Variants in L3MBTL4 observed in about 807,000 individuals in gnomAD.
The protein encoded by L3MBTL4 is L3MBTL histone methyl-lysine binding protein 4.
A neutral mutation model predicts 84.5 loss-of-function variants in L3MBTL4; 70 were observed. That is an observed-to-expected ratio of 0.83 (90% CI 0.68 to 1.01). The LOEUF is 1.01. Among genes scored for constraint, L3MBTL4 ranks in the 50% least tolerant of loss-of-function variants. The probability of loss-of-function intolerance (pLI) is 0.00; values close to 1 mark genes in which losing one functional copy is unlikely to be tolerated. For missense variants in L3MBTL4, 715 were observed against 754.8 expected, an observed-to-expected ratio of 0.95 and a Z score of 0.62; for synonymous variants, 274 against 259.8, an observed-to-expected ratio of 1.05 and a Z score of -0.52.
chr18:6,325,126 C>G (rs990165481), intron 1 of L3MBTL4, among the ~76,000 whole-genome samples: 1 of 152,022 alleles, frequency 6.6e-6, no homozygotes, highest in South Asian at 2.1e-4. Flanking sequence ...ATAATTCCAG[C>G]AAATTCCATG....
intron 18 of L3MBTL4, among the ~76,000 whole-genome samples, chr18:5,958,108 A>AGAAGAAGAAGAG: frequency 1.2e-5 from 1 of 82,702 alleles, no homozygotes; most frequent in Admixed American, 1.2e-4. Context: ...AAGAAGAAGA[A>AGAAGAAGAAGAG]GAAGAAGAAG....
At chr18:6,374,690 A>G (rs906702984) in intron 1 of L3MBTL4, among the ~76,000 whole-genome samples, 6 of 152,178 alleles carry the variant, frequency 3.9e-5, no homozygotes, top group African/African-American at 1.4e-4. Context: ...TTCCACAGTG[A>G]GTCCTGGTCC....
chr18:6,184,046 T>G (rs1051595837), intron 12 of L3MBTL4, among the ~76,000 whole-genome samples: 2 of 152,318 alleles, frequency 1.3e-5, no homozygotes, highest in African/African-American at 4.8e-5. Context: ...TTACATAATA[T>G]CTACATGGGT....
intron 15 of L3MBTL4, chr18:6,081,233 T>G (rs1413583341): frequency 1.1e-5 from 3 of 268,450 alleles, no homozygotes; most frequent in Non-Finnish European, 2.1e-5. Flanking sequence ...TCTCTTCAGA[T>G]TCTAAGGAGG....
intron 15 of L3MBTL4, among the ~76,000 whole-genome samples, chr18:6,092,848 C>A (rs1400124263): frequency 6.6e-6 from 1 of 152,038 alleles, no homozygotes; most frequent in East Asian, 1.9e-4. Flanking sequence ...CATTTAGGAA[C>A]AGAGGGAAGA....
intron 14 of L3MBTL4, among the ~76,000 whole-genome samples, chr18:6,129,303 A>C (rs1313456064): frequency 6.6e-6 from 1 of 151,334 alleles, no homozygotes; most frequent in Non-Finnish European, 1.5e-5. Flanking sequence ...TTATTGTTGT[A>C]GTATTATTAT....
At chr18:6,018,546 T>C (rs1365729710) in intron 16 of L3MBTL4, among the ~76,000 whole-genome samples, 1 of 152,182 alleles carries the variant, frequency 6.6e-6, no homozygotes, top group Non-Finnish European at 1.5e-5. Flanking sequence ...ATCAGCTACA[T>C]CCAGAAGTGA....
chr18:6,330,938 A>AG (rs1397429575), intron 1 of L3MBTL4, among the ~76,000 whole-genome samples: 2 of 152,226 alleles, frequency 1.3e-5, no homozygotes, highest in African/African-American at 2.4e-5. Flanking sequence ...ACAATACACT[A>AG]GGGGCTACAG....
At chr18:6,217,895 T>C (rs1393119559) in intron 10 of L3MBTL4, among the ~76,000 whole-genome samples, 1 of 152,214 alleles carries the variant, frequency 6.6e-6, no homozygotes, top group East Asian at 1.9e-4. Flanking sequence ...TATATTATTT[T>C]GTTCCAGACA....
chr18:6,103,266 G>A (rs981330907), intron 14 of L3MBTL4, among the ~76,000 whole-genome samples: 3 of 152,136 alleles, frequency 2.0e-5, no homozygotes, highest in Admixed American at 2.0e-4. Flanking sequence ...AACAATTATA[G>A]TGATAAGTTT....
At chr18:6,066,612 CT>C (rs768292184) in intron 16 of L3MBTL4, among the ~76,000 whole-genome samples, 1 of 152,058 alleles carries the variant, frequency 6.6e-6, no homozygotes, top group Non-Finnish European at 1.5e-5. Flanking sequence ...TAATGTCATT[CT>C]TTAACTGTCT....
chr18:6,316,452 T>C (rs2051103997), intron 1 of L3MBTL4, among the ~76,000 whole-genome samples: 1 of 152,162 alleles, frequency 6.6e-6, no homozygotes, highest in Admixed American at 6.5e-5. Context: ...GAGGCATTAG[T>C]GCAATGCTGG....
chr18:6,221,958 C>T (rs904668784), intron 10 of L3MBTL4, among the ~76,000 whole-genome samples: 2 of 152,140 alleles, frequency 1.3e-5, no homozygotes, highest in African/African-American at 2.4e-5. Context: ...ACCAAGTGGT[C>T]ACTAATTGTC....
chr18:6,402,599 A>G (rs2055558268), intron 1 of L3MBTL4, among the ~76,000 whole-genome samples: 2 of 152,200 alleles, frequency 1.3e-5, no homozygotes, highest in South Asian at 4.1e-4. Flanking sequence ...CTCTGGTGCC[A>G]TACAGAACAA....
intron 1 of L3MBTL4, among the ~76,000 whole-genome samples, chr18:6,322,456 TGGAAGGAAGGAAGGAAGGAAGGAA>T (rs199942673): frequency 2.0e-3 from 207 of 102,568 alleles, no homozygotes; most frequent in Non-Finnish European, 3.4e-3. Context: ...GAAGGAAGGA[TGGAAGGAAGGAAGGAAGGAAGGAA>T]GGAAGGAAGG....
chr18:6,222,534 G>A (rs1485131503), intron 10 of L3MBTL4, among the ~76,000 whole-genome samples: 5 of 152,162 alleles, frequency 3.3e-5, no homozygotes, highest in Non-Finnish European at 5.9e-5. Flanking sequence ...GTTTTGGCAG[G>A]CATTTGAGAC....
At chr18:6,108,728 G>T (rs151115327) in intron 14 of L3MBTL4, among the ~76,000 whole-genome samples, 1 of 152,122 alleles carries the variant, frequency 6.6e-6, no homozygotes, top group African/African-American at 2.4e-5. Context: ...GCTTTTTGGG[G>T]TACATGTGGC....
At chr18:6,133,689 C>G (rs1263804290) in intron 14 of L3MBTL4, among the ~76,000 whole-genome samples, 4 of 152,114 alleles carry the variant, frequency 2.6e-5, no homozygotes, top group Admixed American at 2.0e-4. Flanking sequence ...AGGTGATGGT[C>G]AGGTGGTTGT....
At chr18:6,247,075 T>C (rs1006043384) in intron 5 of L3MBTL4, among the ~76,000 whole-genome samples, 1 of 152,206 alleles carries the variant, frequency 6.6e-6, no homozygotes, top group Non-Finnish European at 1.5e-5. Context: ...AGCATATACA[T>C]AGATAGAGAA....
Sources: gnomAD v4.1 joint callset for allele counts (sites outside exome capture counted in the v4.1 genomes callset) on GRCh38, gnomAD v4.1.1 for gene constraint, MANE v1.5 for transcripts, NCBI Gene and HGNC (gene_info 2026-07-23, HGNC 2026-07-21) for gene names.